Variants in CNTN5 observed in about 807,000 individuals in gnomAD.
The protein encoded by CNTN5 is contactin 5.
CNTN5 carries 77 observed loss-of-function variants against 129.1 expected under a neutral mutation model. The observed-to-expected ratio is 0.60, with a 90% confidence interval of 0.50 to 0.72. The LOEUF is 0.72. CNTN5 is among the 30% of genes least tolerant of loss of function. CNTN5 has a pLI of 0.00. For synonymous variants in CNTN5, 509 were observed against 465.6 expected (o/e 1.09, Z -1.20); for missense variants, 1,478 against 1,328.8 (o/e 1.11, Z -1.75).
chr11:99,961,683 A>T (rs1260631580), intron 8 of CNTN5, among the ~76,000 whole-genome samples: 1 of 152,208 alleles, frequency 6.6e-6, no homozygotes, highest in Non-Finnish European at 1.5e-5. Flanking sequence ...CGCTATATGC[A>T]AAAAGTCCAA....
intron 3 of CNTN5, among the ~76,000 whole-genome samples, chr11:99,615,346 T>C (rs1170212552): frequency 6.6e-6 from 1 of 152,098 alleles, no homozygotes; most frequent in Non-Finnish European, 1.5e-5. Context: ...AATAGATTTT[T>C]CTTTATAAAA....
intron 1 of CNTN5, among the ~76,000 whole-genome samples, chr11:99,230,238 T>C (rs181975028): frequency 6.6e-6 from 1 of 152,198 alleles, no homozygotes; most frequent in Admixed American, 6.6e-5. Context: ...TCCCCAGTCA[T>C]GCTTGCTCCA....
intron 1 of CNTN5, among the ~76,000 whole-genome samples, chr11:99,077,895 A>C (rs1304463411): frequency 6.6e-6 from 1 of 152,120 alleles, no homozygotes; most frequent in African/African-American, 2.4e-5. Flanking sequence ...GAGTCAATTG[A>C]ACCTCTTTCC....
At chr11:99,814,555 G>A (rs1217879856) in intron 3 of CNTN5, among the ~76,000 whole-genome samples, 2 of 151,520 alleles carry the variant, frequency 1.3e-5, no homozygotes, top group Non-Finnish European at 2.9e-5. Context: ...ACTTAAATTA[G>A]CAGGGGAGAG....
intron 2 of CNTN5, among the ~76,000 whole-genome samples, chr11:99,385,844 G>A (rs1055284083): frequency 1.3e-5 from 2 of 152,046 alleles, no homozygotes; most frequent in African/African-American, 4.8e-5. Context: ...TTGTATATAT[G>A]GAATTGTACA....
At chr11:99,204,920 A>C (rs1176012762) in intron 1 of CNTN5, among the ~76,000 whole-genome samples, 1 of 152,162 alleles carries the variant, frequency 6.6e-6, no homozygotes, top group South Asian at 2.1e-4. Flanking sequence ...TCTAAGCTTG[A>C]TTGACATTCC....
intron 7 of CNTN5, among the ~76,000 whole-genome samples, chr11:99,924,457 T>C (rs893603764): frequency 1.3e-5 from 2 of 152,212 alleles, no homozygotes; most frequent in African/African-American, 4.8e-5. Flanking sequence ...ATTCTGCATA[T>C]GGTTAGCCAG....
intron 3 of CNTN5, among the ~76,000 whole-genome samples, chr11:99,580,700 A>G (rs1056415626): frequency 1.3e-5 from 2 of 151,306 alleles, no homozygotes; most frequent in Non-Finnish European, 2.9e-5. Context: ...TTTTTATTGC[A>G]TCTATTTGAT....
intron 2 of CNTN5, among the ~76,000 whole-genome samples, chr11:99,454,927 A>G (rs1425231525): frequency 6.6e-6 from 1 of 152,138 alleles, no homozygotes; most frequent in African/African-American, 2.4e-5. Flanking sequence ...TTGACACAGA[A>G]GAGTAGTAAG....
chr11:100,032,269 G>C (rs1941752837), intron 9 of CNTN5, among the ~76,000 whole-genome samples: 1 of 151,870 alleles, frequency 6.6e-6, no homozygotes, highest in Admixed American at 6.6e-5. Flanking sequence ...TGCTTTTTTT[G>C]CTGTAGTATT....
chr11:99,218,878 T>G (rs1388435038), intron 1 of CNTN5, among the ~76,000 whole-genome samples: 2 of 152,108 alleles, frequency 1.3e-5, no homozygotes, highest in Non-Finnish European at 2.9e-5. Context: ...CTTTGACCGC[T>G]TTCCCTGTTC....
intron 18 of CNTN5, among the ~76,000 whole-genome samples, chr11:100,273,123 G>C (rs1386647224): frequency 1.3e-5 from 2 of 152,118 alleles, no homozygotes; most frequent in Non-Finnish European, 2.9e-5. Flanking sequence ...CCGAGCCTCA[G>C]TATGGCCACA....
Position 99,273,532 on chromosome 11 carries a change from G to A in CNTN5, c.-209-51814G>A, listed in dbSNP as rs142684140. 3.2e-3 allele frequency among the ~76,000 whole-genome samples: 486 copies of A among 151,764 alleles called. 1 individual carries two copies. The highest frequency in any genetic ancestry group is 0.012 in the African/African-American group (478 of 41,476). ...TACTTTAGTGAAAGCCGATCGGAAT[G>A]AGAAAAGAAATTTTGCCCTTTCCTA... On this transcript the variant is annotated intron_variant, in intron 1 of 24. Coordinates refer to ENST00000524871, the MANE Select transcript of CNTN5 (RefSeq NM_014361.4).
chr11:100,035,178 G>A (rs552756216), intron 9 of CNTN5, among the ~76,000 whole-genome samples: 4 of 148,982 alleles, frequency 2.7e-5, no homozygotes, highest in Non-Finnish European at 5.9e-5. Context: ...GTGTCCATGT[G>A]TTCCATTGTT....
At chr11:99,697,223 A>G (rs569367277) in intron 3 of CNTN5, among the ~76,000 whole-genome samples, 1 of 152,090 alleles carries the variant, frequency 6.6e-6, no homozygotes, top group South Asian at 2.1e-4. Flanking sequence ...TTAAAGAAAT[A>G]CAACATAACT....
rs1214455255 is a variant in CNTN5, at chr11:99,491,136, A to T, written c.-70-65009A>T. ...GAACAATGTACTCCTTTAGTTTCCA[A>T]GCAAAGAAGGGGATATTGGGGATAC... is the stretch of plus-strand genomic sequence containing the variant. On this transcript the variant is annotated intron_variant, in intron 2 of 24. Transcript: ENST00000524871. Among the ~76,000 whole-genome samples, 4 of 152,216 alleles carry T rather than the reference A, an allele frequency of 2.6e-5. No homozygotes were observed. In the East Asian group the frequency reaches 7.7e-4, roughly 29 times the overall value.
intron 2 of CNTN5, among the ~76,000 whole-genome samples, chr11:99,550,265 AT>A (rs777447510): frequency 3.9e-5 from 6 of 152,148 alleles, no homozygotes; most frequent in Non-Finnish European, 8.8e-5. Flanking sequence ...GAAAGCCAAA[AT>A]ATTTTTTTGC....
intron 3 of CNTN5, among the ~76,000 whole-genome samples, chr11:99,731,500 C>A (rs537235077): frequency 2.0e-5 from 3 of 152,134 alleles, no homozygotes; most frequent in Non-Finnish European, 4.4e-5. Context: ...AATGCAAATA[C>A]TTTACCCTTA....
intron 8 of CNTN5, among the ~76,000 whole-genome samples, chr11:99,967,678 C>G (rs1176625561): frequency 6.6e-6 from 1 of 152,034 alleles, no homozygotes; most frequent in African/African-American, 2.4e-5. Context: ...TTGAACACTC[C>G]CCATTAACCA....
Sources: gnomAD v4.1 joint callset for allele counts (sites outside exome capture counted in the v4.1 genomes callset) on GRCh38, gnomAD v4.1.1 for gene constraint, MANE v1.5 for transcripts, NCBI Gene and HGNC (gene_info 2026-07-23, HGNC 2026-07-21) for gene names.